TUBGCP5: variants seen among roughly 807,000 people sequenced by gnomAD.
TUBGCP5 encodes tubulin gamma complex component 5.
In TUBGCP5, 98 loss-of-function variants were observed where a neutral mutation model predicts 134.7. The ratio of observed to expected loss-of-function variants is 0.73; its 90% CI spans 0.62 to 0.86. The LOEUF is 0.86. TUBGCP5 is among the 40% of genes least tolerant of loss of function. The probability of loss-of-function intolerance (pLI) is 0.00; values close to 1 mark genes in which losing one functional copy is unlikely to be tolerated. For missense variants in TUBGCP5, 1,150 were observed against 1,244.8 expected (o/e 0.92, Z 1.15); for synonymous variants, 456 against 431.4 (o/e 1.06, Z -0.71).
intron 6 of TUBGCP5, among the ~76,000 whole-genome samples, chr15:23,029,314 T>C (rs959421884): frequency 6.6e-6 from 1 of 152,170 alleles, no homozygotes; most frequent in African/African-American, 2.4e-5. Flanking sequence ...CTCTACCTGC[T>C]GGGTTCAAGC....
chr15:23,032,424 T>A (rs12592023), intron 4 of TUBGCP5, among the ~76,000 whole-genome samples: 13,293 of 151,520 alleles, frequency 0.088, 1,055 homozygotes, highest in East Asian at 0.46. Flanking sequence ...ATACCTAATA[T>A]CATGTAAATG....
At chr15:23,004,755 G>C (rs1406576658) in intron 19 of TUBGCP5, among the ~76,000 whole-genome samples, 2 of 152,126 alleles carry the variant, frequency 1.3e-5, no homozygotes, top group African/African-American at 4.8e-5. Context: ...CAGTAATGCA[G>C]TCAGGGGAAA....
intron 21 of TUBGCP5, among the ~76,000 whole-genome samples, chr15:23,002,821 G>A (rs1272555629): frequency 1.3e-5 from 2 of 151,562 alleles, no homozygotes; most frequent in Non-Finnish European, 2.9e-5. Context: ...AAAAATGTTT[G>A]CTTGTTTAAA....
rs774388837 is a variant in TUBGCP5 at position 22,999,777 on chromosome 15, T to C, written c.*43A>G. ...CAGCTGCACATGGTGGAAATGTACATGTATGATGACAAAGTCGGAGATATT... is the reference window on the plus strand; with the variant it reads ...CAGCTGCACATGGTGGAAATGTACACGTATGATGACAAAGTCGGAGATATT... On this transcript the variant is annotated 3_prime_UTR_variant, in exon 23 of 23. Transcript: ENST00000615383. The C allele has an allele frequency of 6.9e-6, 11 of 1,592,584 alleles. No individual in the cohort carries two copies. The highest frequency in any genetic ancestry group is 8.6e-6 in the Non-Finnish European group (10 of 1,160,692).
chr15:22,989,490 C>T (rs2063785226), intron 23 of TUBGCP5, among the ~76,000 whole-genome samples: 2 of 152,190 alleles, frequency 1.3e-5, no homozygotes, highest in Admixed American at 6.5e-5. Flanking sequence ...TAACTTGGCA[C>T]CCATACATAT....
In TUBGCP5 at chr15:23,013,339, G is replaced by A. The variant is rs1033357700; in HGVS notation, c.1757-2008C>T. On this transcript the variant is annotated intron_variant, in intron 13 of 22. Coordinates refer to ENST00000615383, the MANE Select transcript of TUBGCP5 (RefSeq NM_052903.6). The surrounding 1 kb of genome is among the most constrained non-coding windows in gnomAD (Gnocchi z 4.5). ...ACGGTGGTGTGCGCCTGTAGTCCCA[G>A]CTGCTGGGGAGGCTGAGGCAGGAGA... 6.6e-6 allele frequency among the ~76,000 whole-genome samples: 1 copy of A among 152,022 alleles called. No homozygotes were observed.
At chr15:23,025,518 T>C (rs2065933031) in intron 8 of TUBGCP5, among the ~76,000 whole-genome samples, 1 of 152,162 alleles carries the variant, frequency 6.6e-6, no homozygotes, top group South Asian at 2.1e-4. Context: ...AGGCCCTCAT[T>C]GATATACTCC....
chr15:22,993,614 G>C (rs1005298276), intron 23 of TUBGCP5, among the ~76,000 whole-genome samples: 1 of 140,050 alleles, frequency 7.1e-6, no homozygotes, highest in East Asian at 2.2e-4. Flanking sequence ...GTGCGATCTC[G>C]GCTCACTGCA....
intron 13 of TUBGCP5, among the ~76,000 whole-genome samples, chr15:23,012,067 C>T (rs138440601): frequency 2.0e-3 from 301 of 149,088 alleles, no homozygotes; most frequent in African/African-American, 7.2e-3. Context: ...GCTGAGATCA[C>T]GCCACTGCAC....
intron 11 of TUBGCP5, among the ~76,000 whole-genome samples, chr15:23,019,667 C>T (rs1176051869): frequency 4.0e-5 from 6 of 151,678 alleles, no homozygotes; most frequent in African/African-American, 1.2e-4. Flanking sequence ...CATGGTGACA[C>T]GCGCCTGTAG....
rs1372876866 is a variant in TUBGCP5, at chr15:23,013,611, AGG to A, written c.1757-2282_1757-2281del. ...GGAGTCAAGAAGGACTTCCCATTGTAGGGTAAGGGTAAGCAGAAGAAACCCAC... is the reference window on the plus strand; with the variant it reads ...GGAGTCAAGAAGGACTTCCCATTGTAGTAAGGGTAAGCAGAAGAAACCCAC... On this transcript the variant is annotated intron_variant, in intron 13 of 22. Transcript: ENST00000615383. This position sits in a 1 kb window ranked among gnomAD's most constrained non-coding sequence, Gnocchi z 4.5. 6.6e-6 allele frequency among the ~76,000 whole-genome samples: 1 copy of A among 152,130 alleles called. No individual in the cohort carries two copies. Among genetic ancestry groups the A allele is most frequent in the African/African-American group, 2.4e-5 (1 of 41,416 alleles).
At chr15:23,010,588 C>T (rs1193713650) in intron 14 of TUBGCP5, among the ~76,000 whole-genome samples, 1 of 152,144 alleles carries the variant, frequency 6.6e-6, no homozygotes, top group African/African-American at 2.4e-5. Context: ...AGTTGTACCA[C>T]ATGGTGGCAG....
intron 6 of TUBGCP5, among the ~76,000 whole-genome samples, chr15:23,030,659 A>G (rs1276937439): frequency 1.3e-5 from 2 of 151,940 alleles, no homozygotes; most frequent in Non-Finnish European, 2.9e-5. Flanking sequence ...GAAGTATAGG[A>G]AAAAAATTAC....
chr15:23,030,923 T>A lies in TUBGCP5; in HGVS notation c.584A>T (p.Asp195Val). 1.2e-6 allele frequency: 2 copies of A among 1,613,676 alleles called. No individual in the cohort carries two copies. The highest frequency in any genetic ancestry group is 8.5e-7 in the Non-Finnish European group (1 of 1,179,906). The change falls in exon 6 of 23, where the codon GAT (aspartate) becomes GTT (valine). Residue 195 changes from aspartate to valine, a missense_variant. Around this residue, in one of 2 missense-constraint regions of TUBGCP5, gnomAD observed 453 missense variants for 394.7 expected, o/e 1.15. Transcript: ENST00000615383. ...ACAAGGATCCAGTTTTCTGTTTTGA[T>A]CTTGTTCTTCTAACGGTGTCCTGTC... Reference protein sequence around the residue: ...QVDRTPLEEQDQNRKLDPCIS... With the variant: ...QVDRTPLEEQVQNRKLDPCIS...
At chr15:22,991,242 C>T (rs113400543) in intron 23 of TUBGCP5, among the ~76,000 whole-genome samples, 3,450 of 152,040 alleles carry the variant, frequency 0.023, 141 homozygotes, top group African/African-American at 0.08. Context: ...GGATTACAGG[C>T]GCACACCACC....
At chr15:23,023,220 C>T (rs2140563593) in intron 10 of TUBGCP5, 1 of 152,098 alleles carries the variant, frequency 6.6e-6, no homozygotes. Context: ...TAATCAGTTA[C>T]TCGGGAGGCT....
intron 13 of TUBGCP5, among the ~76,000 whole-genome samples, chr15:23,012,648 T>C (rs900415572): frequency 1.3e-5 from 2 of 152,188 alleles, no homozygotes; most frequent in African/African-American, 4.8e-5. Flanking sequence ...CCTCGTGATC[T>C]GCCTGCCTCA....
Position 23,005,986 on chromosome 15 carries a change from T to G in TUBGCP5, c.2533+66A>C, listed in dbSNP as rs899144718. ...ATCCCCGTATGCTTCCCTTTCCCAT[T>G]AACCTCTTTTATTAAGGGCTAAAAT... On this transcript the variant is annotated intron_variant, in intron 18 of 22. Transcript: ENST00000615383. 1.6e-5 allele frequency: 24 copies of G among 1,483,770 alleles called. No individual in the cohort carries two copies. In the African/African-American group the frequency reaches 3.0e-4, roughly 19 times the overall value. The allele number at this position is 1,483,770 out of a possible 1,614,324, so 91.9% of individuals were successfully genotyped here.
Position 23,037,133 on chromosome 15 carries a change from C to A in TUBGCP5, c.166G>T (p.Val56Phe), listed in dbSNP as rs761894583. ...SNFRFHRFLD[V>F]NSHKIEKTIE... ...GTTTTTTCTATTTTGTGGCTGTTGA[C>A]ATCCAAGAAACGATGAAATCTATTA... is the stretch of plus-strand genomic sequence containing the variant. The change falls in exon 2 of 23, where the codon GTC becomes TTC. Residue 56 changes from valine (V) to phenylalanine (F), a missense_variant. By Grantham distance (50) the Val-to-Phe change is conservative. Transcript: ENST00000615383. 6.2e-7 allele frequency: 1 copy of A among 1,613,584 alleles called. No homozygotes were observed. Among genetic ancestry groups the A allele is most frequent in the Non-Finnish European group, 8.5e-7 (1 of 1,179,968 alleles).
Sources: gnomAD v4.1 joint callset for allele counts (sites outside exome capture counted in the v4.1 genomes callset) on GRCh38, gnomAD v4.1.1 for gene constraint, gnomAD v4.1.1 regional missense constraint, Gnocchi (gnomAD v3.1) non-coding constraint, MANE v1.5 for transcripts, NCBI Gene and HGNC (gene_info 2026-07-23, HGNC 2026-07-21) for gene names.